PDE4D: variants seen among roughly 807,000 people sequenced by gnomAD.
PDE4D encodes the protein 3',5'-cyclic-AMP phosphodiesterase 4D.
Under a neutral mutation model 87.4 loss-of-function variants are expected in PDE4D, and 24 were observed. That is an observed-to-expected ratio of 0.27 (90% CI 0.20 to 0.39). PDE4D has a LOEUF of 0.39. PDE4D is among the 10% of genes least tolerant of loss of function. PDE4D has a pLI of 1.00. For synonymous variants in PDE4D, 384 were observed against 383.2 expected, an observed-to-expected ratio of 1.00 and a Z score of -0.02; for missense variants, 714 against 1,041.0, an observed-to-expected ratio of 0.69 and a Z score of 4.32.
chr5:59,494,798 C>T (rs1364175753), intron 1 of PDE4D, among the ~76,000 whole-genome samples: 1 of 152,158 alleles, frequency 6.6e-6, no homozygotes, highest in East Asian at 1.9e-4. Flanking sequence ...TCCCCGTAAA[C>T]ATGCCCCTCA....
chr5:59,259,708 T>A (rs1420615967), intron 1 of PDE4D, among the ~76,000 whole-genome samples: 1 of 151,800 alleles, frequency 6.6e-6, no homozygotes, highest in East Asian at 1.9e-4. Flanking sequence ...AGAGTAAGTA[T>A]CTTTCATGTA....
chr5:59,706,736 A>G (rs1753462839), intron 1 of PDE4D, among the ~76,000 whole-genome samples: 2 of 152,168 alleles, frequency 1.3e-5, no homozygotes, highest in Admixed American at 1.3e-4. Context: ...AGCTAGTGGT[A>G]GGGTAGAAAG....
chr5:60,494,826 A>G (rs957530749), intron 1 of PDE4D, among the ~76,000 whole-genome samples: 3 of 152,210 alleles, frequency 2.0e-5, no homozygotes, highest in Admixed American at 6.5e-5. Flanking sequence ...GCATGACAAC[A>G]AAGGCAGAAG....
intron 1 of PDE4D, among the ~76,000 whole-genome samples, chr5:59,794,486 C>G (rs1027354696): frequency 6.6e-6 from 1 of 151,990 alleles, no homozygotes; most frequent in African/African-American, 2.4e-5. Flanking sequence ...CCCTCCTTCC[C>G]TCCCTCCCTC....
chr5:59,154,644 TGGAGGCCAAGGCA>T, intron 5 of PDE4D, among the ~76,000 whole-genome samples: 1 of 152,258 alleles, frequency 6.6e-6, no homozygotes, highest in South Asian at 2.1e-4. Context: ...CTCAGCACTT[TGGAGGCCAAGGCA>T]GGAGGATCAC....
intron 1 of PDE4D, among the ~76,000 whole-genome samples, chr5:59,612,405 T>C (rs1829129554): frequency 6.6e-6 from 1 of 152,144 alleles, no homozygotes; most frequent in African/African-American, 2.4e-5. Flanking sequence ...ATATTTTATA[T>C]AGCCTGCTTC....
chr5:59,813,779 C>T (rs949753595), intron 1 of PDE4D, among the ~76,000 whole-genome samples: 1 of 152,208 alleles, frequency 6.6e-6, no homozygotes, highest in Non-Finnish European at 1.5e-5. Context: ...TGGCACATCA[C>T]TGTCTGGGCA....
chr5:60,003,522 C>G (rs781714801), intron 2 of PDE4D, among the ~76,000 whole-genome samples: 3 of 151,848 alleles, frequency 2.0e-5, no homozygotes, highest in Non-Finnish European at 2.9e-5. Context: ...CCAGCCTGGC[C>G]AAGATGGTGA....
chr5:60,104,218 T>G (rs1776577113), intron 2 of PDE4D, among the ~76,000 whole-genome samples: 1 of 152,208 alleles, frequency 6.6e-6, no homozygotes, highest in Non-Finnish European at 1.5e-5. Flanking sequence ...ATCCCACACA[T>G]GGCTTGGAGG....
Position 60,081,201 on chromosome 5 carries a change from T to C in PDE4D, c.43-92484A>G, listed in dbSNP as rs148624069. ...TATAGTATTCTCTGATGGTAGTTTGTATTTCTGTGGGATTAGTGATGATAT... is the reference window on the plus strand; with the variant it reads ...TATAGTATTCTCTGATGGTAGTTTGCATTTCTGTGGGATTAGTGATGATAT... On this transcript the variant is annotated intron_variant, in intron 2 of 16. Coordinates refer to the PDE4D transcript ENST00000502484. Among the ~76,000 whole-genome samples the C allele has an allele frequency of 5.8e-3, 881 of 152,292 alleles. 11 individuals are homozygous for C. The highest frequency in any genetic ancestry group is 0.02 in the African/African-American group (847 of 41,574).
intron 3 of PDE4D, among the ~76,000 whole-genome samples, chr5:59,932,164 CACG>C (rs747068560): frequency 8.5e-5 from 13 of 152,274 alleles, no homozygotes; most frequent in Non-Finnish European, 1.5e-4. Context: ...GCATAGCCAT[CACG>C]ACTTTTATGA....
intron 1 of PDE4D, among the ~76,000 whole-genome samples, chr5:59,771,991 C>A (rs764871229): frequency 6.6e-6 from 1 of 152,180 alleles, no homozygotes; most frequent in Admixed American, 6.5e-5. Flanking sequence ...TTACTGTTAA[C>A]CTCCTAAATC....
chr5:60,081,411 T>C (rs546639586), intron 2 of PDE4D, among the ~76,000 whole-genome samples: 1 of 152,158 alleles, frequency 6.6e-6, no homozygotes, highest in South Asian at 2.1e-4. Context: ...CTGATCTTAG[T>C]TATTTCTTGT....
intron 1 of PDE4D, among the ~76,000 whole-genome samples, chr5:59,315,426 T>G (rs1419004264): frequency 1.3e-5 from 2 of 152,116 alleles, no homozygotes; most frequent in Non-Finnish European, 2.9e-5. Flanking sequence ...GGACTGACCT[T>G]CATCCACTAG....
chr5:59,210,391 A>C (rs1561716475), intron 2 of PDE4D, among the ~76,000 whole-genome samples: 1 of 152,158 alleles, frequency 6.6e-6, no homozygotes, highest in Non-Finnish European at 1.5e-5. Context: ...AGCAGGCAAA[A>C]GTAGTAGAGA....
intron 5 of PDE4D, among the ~76,000 whole-genome samples, chr5:59,156,320 A>AAAAAAT (rs548335725): frequency 7.3e-5 from 6 of 81,770 alleles, no homozygotes; most frequent in African/African-American, 2.0e-4. Flanking sequence ...AAAAAAAAAA[A>AAAAAAT]ATATATATAT....
At chr5:59,777,247 C>T (rs1764169126) in intron 1 of PDE4D, among the ~76,000 whole-genome samples, 1 of 152,124 alleles carries the variant, frequency 6.6e-6, no homozygotes. Flanking sequence ...TTGTTATGGT[C>T]CTGCTCTCAG....
chr5:59,984,288 C>A (rs534904446), intron 3 of PDE4D, among the ~76,000 whole-genome samples: 1 of 152,192 alleles, frequency 6.6e-6, no homozygotes, highest in African/African-American at 2.4e-5. Context: ...AACTGACTTT[C>A]CAAATTACTT....
chr5:60,366,741 G>A (rs1318062487), intron 1 of PDE4D, among the ~76,000 whole-genome samples: 1 of 152,224 alleles, frequency 6.6e-6, no homozygotes, highest in African/African-American at 2.4e-5. Flanking sequence ...GCCAACTTGT[G>A]CAGTGAAGAA....
Sources: gnomAD v4.1 joint callset for allele counts (sites outside exome capture counted in the v4.1 genomes callset) on GRCh38, gnomAD v4.1.1 for gene constraint, MANE v1.5 for transcripts, NCBI Gene and HGNC (gene_info 2026-07-23, HGNC 2026-07-21) for gene names.